Variants in TAF4B observed in about 807,000 individuals in gnomAD.
TAF4B encodes the protein transcription initiation factor TFIID subunit 4B.
A neutral mutation model predicts 86.4 loss-of-function variants in TAF4B; 38 were observed. The ratio of observed to expected loss-of-function variants is 0.44; its 90% CI spans 0.34 to 0.58. The LOEUF is 0.58. Among genes scored for constraint, TAF4B ranks in the 20% least tolerant of loss-of-function variants. TAF4B has a pLI of 0.02. For synonymous variants in TAF4B, 388 were observed against 391.2 expected, an observed-to-expected ratio of 0.99 and a Z score of 0.10; for missense variants, 988 against 1,027.6, an observed-to-expected ratio of 0.96 and a Z score of 0.53.
chr18:26,321,810 A>G (rs1428343539), intron 11 of TAF4B, among the ~76,000 whole-genome samples: 2 of 152,118 alleles, frequency 1.3e-5, no homozygotes, highest in African/African-American at 4.8e-5. Context: ...TATGTTCTAC[A>G]TTAGATCTTT....
chr18:26,331,436 G>A (rs2057049488), intron 12 of TAF4B, among the ~76,000 whole-genome samples: 1 of 151,890 alleles, frequency 6.6e-6, no homozygotes, highest in Non-Finnish European at 1.5e-5. Flanking sequence ...CTCCATTTCA[G>A]CCTGCATTAT....
intron 1 of TAF4B, among the ~76,000 whole-genome samples, chr18:26,264,542 G>A (rs535086975): frequency 6.6e-5 from 10 of 152,300 alleles, no homozygotes; most frequent in African/African-American, 2.4e-4. Flanking sequence ...CTGGCATGTG[G>A]CATTGTTAGG....
intron 9 of TAF4B, among the ~76,000 whole-genome samples, chr18:26,309,777 A>G (rs570994242): frequency 1.1e-4 from 17 of 152,166 alleles, no homozygotes; most frequent in Admixed American, 6.5e-5. Context: ...TAAGGGGATC[A>G]ATGAATAGAC....
intron 9 of TAF4B, among the ~76,000 whole-genome samples, chr18:26,305,660 G>A (rs1367052895): frequency 3.3e-5 from 5 of 152,144 alleles, no homozygotes; most frequent in African/African-American, 1.2e-4. Context: ...ACCTGCCTCG[G>A]CCTCCCAAAT....
chr18:26,308,545 C>G (rs2056820396), intron 9 of TAF4B, among the ~76,000 whole-genome samples: 1 of 152,054 alleles, frequency 6.6e-6, no homozygotes, highest in Non-Finnish European at 1.5e-5. Flanking sequence ...AGTTATAATG[C>G]TGTGGTGTGA....
chr18:26,357,613 G>T, intron 13 of TAF4B, 77 bp from the exon 14 acceptor site: 1 of 954,946 alleles, frequency 1.0e-6, no homozygotes, highest in Non-Finnish European at 1.6e-6. Context: ...TGCAGAATTA[G>T]GCTTAGTAAT....
chr18:26,339,379 G>A (rs991618538), intron 13 of TAF4B, among the ~76,000 whole-genome samples: 7 of 152,062 alleles, frequency 4.6e-5, no homozygotes, highest in Admixed American at 3.9e-4. Flanking sequence ...AGGCTGGAGC[G>A]CAGTGACGCA....
chr18:26,278,867 T>C (rs958120813), intron 5 of TAF4B, among the ~76,000 whole-genome samples: 1 of 152,178 alleles, frequency 6.6e-6, no homozygotes, highest in Non-Finnish European at 1.5e-5. Flanking sequence ...TCTTTGGAAC[T>C]GCTGTTATGG....
chr18:26,297,738 A>T (rs2056681209), intron 9 of TAF4B, among the ~76,000 whole-genome samples: 1 of 152,112 alleles, frequency 6.6e-6, no homozygotes, highest in Admixed American at 6.5e-5. Flanking sequence ...TGATCACTTT[A>T]TCTGTTGATG....
chr18:26,315,146 G>GTCTCTGTC (rs2056893930), intron 9 of TAF4B, 83 bp from the exon 10 acceptor site: 1 of 146,728 alleles, frequency 6.8e-6, no homozygotes, highest in African/African-American at 6.0e-5. Context: ...CTCTCTCTCT[G>GTCTCTGTC]TCTCTCTCTC....
intron 14 of TAF4B, among the ~76,000 whole-genome samples, chr18:26,388,260 A>ACTTTT (rs1978492665): frequency 6.6e-6 from 1 of 152,246 alleles, no homozygotes; most frequent in South Asian, 2.1e-4. Flanking sequence ...AATAGTATAT[A>ACTTTT]GACATATTGG....
rs1046413687 is a variant in TAF4B at position 26,233,531 on chromosome 18, T to C, written c.343+6255T>C. Among the ~76,000 whole-genome samples, 6 of 152,208 alleles carry C rather than the reference T, an allele frequency of 3.9e-5. No individual in the cohort carries two copies. In the Middle Eastern group the frequency reaches 0.014, roughly 345 times the overall value. On this transcript the variant is annotated intron_variant, in intron 1 of 14. Transcript: ENST00000269142. ...GAAGTTACTATGATCAGTTGGGGCT[T>C]GAAGTTGTAGGGTGTAATTATGCTG...
intron 6 of TAF4B, among the ~76,000 whole-genome samples, chr18:26,285,585 GT>G (rs1372421759): frequency 6.6e-6 from 1 of 152,050 alleles, no homozygotes; most frequent in Admixed American, 6.6e-5. Context: ...CTATTATAGG[GT>G]TTAGATGATT....
At chr18:26,380,780 CAT>C (rs1228822249) in intron 14 of TAF4B, among the ~76,000 whole-genome samples, 1 of 151,808 alleles carries the variant, frequency 6.6e-6, no homozygotes, top group African/African-American at 2.4e-5. Flanking sequence ...TTATAAATAA[CAT>C]ATAATTGAGT....
chr18:26,275,559 T>C (rs1482488240), intron 5 of TAF4B, among the ~76,000 whole-genome samples: 2 of 152,246 alleles, frequency 1.3e-5, no homozygotes, highest in Admixed American at 1.3e-4. Flanking sequence ...TGTATATTTC[T>C]TTTGAAAATT....
chr18:26,310,987 G>A (rs986474189), intron 9 of TAF4B, among the ~76,000 whole-genome samples: 5 of 151,320 alleles, frequency 3.3e-5, no homozygotes, highest in African/African-American at 1.2e-4. Flanking sequence ...TAGTAATCTT[G>A]GAGATTGTCT....
chr18:26,251,168 T>TGG (rs2056001065), intron 1 of TAF4B, among the ~76,000 whole-genome samples: 1 of 152,168 alleles, frequency 6.6e-6, no homozygotes, highest in Admixed American at 6.5e-5. Context: ...TGGATATTAA[T>TGG]GGGAGGCACG....
chr18:26,285,821 T>A, intron 6 of TAF4B, 61 bp from the exon 7 acceptor site: 1 of 1,545,876 alleles, frequency 6.5e-7, no homozygotes. Context: ...AAATACCACA[T>A]TTTGTTTCAC....
At chr18:26,250,228 T>C (rs1472739255) in intron 1 of TAF4B, among the ~76,000 whole-genome samples, 1 of 152,074 alleles carries the variant, frequency 6.6e-6, no homozygotes, top group African/African-American at 2.4e-5. Flanking sequence ...CTGGGCGCGG[T>C]GGCTCACGCC....
Sources: allele counts gnomAD v4.1 joint callset (sites outside exome capture counted in the v4.1 genomes callset), GRCh38; gene constraint gnomAD v4.1.1; transcripts MANE v1.5; gene names NCBI Gene and HGNC (gene_info 2026-07-23, HGNC 2026-07-21).